Variants in ANKS1B observed in about 807,000 individuals in gnomAD.
ANKS1B encodes ankyrin repeat and sterile alpha motif domain containing 1B.
A neutral mutation model predicts 148.3 loss-of-function variants in ANKS1B; 36 were observed. That is an observed-to-expected ratio of 0.24 (90% CI 0.19 to 0.32). ANKS1B has a LOEUF of 0.32. Among genes scored for constraint, ANKS1B ranks in the 10% least tolerant of loss-of-function variants. ANKS1B has a pLI of 1.00. For synonymous variants in ANKS1B, 542 were observed against 560.8 expected (o/e 0.97, Z 0.47); for missense variants, 1,157 against 1,542.6 (o/e 0.75, Z 4.19).
At chr12:99,366,521 A>G (rs1341000185) in intron 12 of ANKS1B, among the ~76,000 whole-genome samples, 2 of 152,178 alleles carry the variant, frequency 1.3e-5, no homozygotes, top group African/African-American at 2.4e-5. Context: ...GATGAAACAA[A>G]TAGAAAGTCC....
chr12:98,933,798 G>C (rs962414758), intron 17 of ANKS1B, among the ~76,000 whole-genome samples: 2 of 151,728 alleles, frequency 1.3e-5, no homozygotes, highest in African/African-American at 4.8e-5. Flanking sequence ...GTCCTCTTTG[G>C]AGAAATGTCT....
At chr12:99,366,136 G>A (rs1033090641) in intron 12 of ANKS1B, among the ~76,000 whole-genome samples, 20 of 152,156 alleles carry the variant, frequency 1.3e-4, no homozygotes, top group African/African-American at 4.6e-4. Context: ...GGCTCTGGGT[G>A]GGCTTGAACA....
At chr12:99,005,097 G>A (rs1323015979) in intron 17 of ANKS1B, among the ~76,000 whole-genome samples, 4 of 152,298 alleles carry the variant, frequency 2.6e-5, no homozygotes, top group East Asian at 1.9e-4. Flanking sequence ...TGTAACAAAC[G>A]AGAAAATGAA....
In ANKS1B at chr12:99,697,518, G is replaced by A. The variant is rs184351182; in HGVS notation, c.1129-42308C>T. ...ACTTACTGTATAATTTCAACTATAT[G>A]ACATTCTGAAAAGGCAAAACTATGG... On this transcript the variant is annotated intron_variant, in intron 8 of 26. Coordinates refer to ENST00000683438, the MANE Select transcript of ANKS1B (RefSeq NM_001352186.2). 4.6e-3 allele frequency among the ~76,000 whole-genome samples: 700 copies of A among 152,214 alleles called. 13 individuals carry two copies. The highest frequency in any genetic ancestry group is 0.04 in the Admixed American group (603 of 15,262).
intron 10 of ANKS1B, among the ~76,000 whole-genome samples, chr12:99,487,800 T>TGCCC (rs1450629245): frequency 6.6e-6 from 1 of 152,172 alleles, no homozygotes; most frequent in Non-Finnish European, 1.5e-5. Flanking sequence ...ATATATTCTG[T>TGCCC]ATTGATGGGC....
At chr12:98,777,185 C>A (rs926666226) in intron 24 of ANKS1B, among the ~76,000 whole-genome samples, 6 of 151,980 alleles carry the variant, frequency 3.9e-5, no homozygotes, top group African/African-American at 1.2e-4. Flanking sequence ...AGAGTGAGAC[C>A]CTGTCTCTTA....
intron 17 of ANKS1B, among the ~76,000 whole-genome samples, chr12:98,917,054 G>A (rs146591256): frequency 0.013 from 1,962 of 149,848 alleles, 49 homozygotes; most frequent in African/African-American, 0.041. Context: ...TCCACCTCCC[G>A]GGCTCAAGTG....
At chr12:98,771,467 C>T (rs973152413) in intron 25 of ANKS1B, among the ~76,000 whole-genome samples, 1 of 151,884 alleles carries the variant, frequency 6.6e-6, no homozygotes, top group Non-Finnish European at 1.5e-5. Flanking sequence ...CTGTGCCTGG[C>T]CAAGAGTAAC....
chr12:99,084,092 G>C (rs1398508374), intron 16 of ANKS1B, among the ~76,000 whole-genome samples: 2 of 152,174 alleles, frequency 1.3e-5, no homozygotes, highest in Non-Finnish European at 2.9e-5. Context: ...ATCTGGACTA[G>C]GAGGGCCTAT....
chr12:98,890,637 C>T (rs79335495), intron 17 of ANKS1B, among the ~76,000 whole-genome samples: 1,926 of 152,260 alleles, frequency 0.013, 111 homozygotes, highest in Admixed American at 0.09. Flanking sequence ...GTTACAACTA[C>T]GTGCAAGTCA....
chr12:99,220,449 C>CTT lies in ANKS1B; in HGVS notation c.2419+23891_2419+23892dup, dbSNP rs5800380. 3.5e-3 allele frequency among the ~76,000 whole-genome samples: 396 copies of CTT among 112,696 alleles called. 11 individuals carry two copies. Among genetic ancestry groups the CTT allele is most frequent in the African/African-American group, 4.3e-3 (124 of 28,988 alleles). 73.9% of individuals were successfully genotyped at this position (112,696 alleles called of 152,430 possible). ...CAAGCATACAATAAAAGTAGCATTTCTTTTTTTTTTTTTTTTTTTTGAGAT... is the reference window on the plus strand; with the variant it reads ...CAAGCATACAATAAAAGTAGCATTTCTTTTTTTTTTTTTTTTTTTTTTGAGAT... On this transcript the variant is annotated intron_variant, in intron 14 of 26. Transcript: ENST00000683438.
At chr12:99,274,018 C>T (rs541775396) in intron 12 of ANKS1B, among the ~76,000 whole-genome samples, 95 of 152,250 alleles carry the variant, frequency 6.2e-4, no homozygotes, top group Non-Finnish European at 1.1e-3. Context: ...CCCTTAGATT[C>T]TCAGAACCCT....
intron 3 of ANKS1B, 128 bp from the exon 4 acceptor site, chr12:99,806,828 G>T: frequency 2.2e-6 from 2 of 927,616 alleles, no homozygotes; most frequent in Non-Finnish European, 3.1e-6. Context: ...TAACAAGTAT[G>T]CCTAATGGAA....
chr12:98,753,292 T>G (rs1464354482), intron 25 of ANKS1B, among the ~76,000 whole-genome samples: 1 of 152,210 alleles, frequency 6.6e-6, no homozygotes, highest in East Asian at 1.9e-4. Flanking sequence ...TCACATTGTC[T>G]GACCCAAAAG....
intron 9 of ANKS1B, among the ~76,000 whole-genome samples, chr12:99,551,346 T>C (rs2097215540): frequency 6.6e-6 from 1 of 152,072 alleles, no homozygotes; most frequent in South Asian, 2.1e-4. Context: ...TCCCCACACC[T>C]CCATCTAATT....
intron 1 of ANKS1B, among the ~76,000 whole-genome samples, chr12:99,929,089 AT>A (rs2094547453): frequency 6.6e-6 from 1 of 152,260 alleles, no homozygotes; most frequent in Admixed American, 6.5e-5. Context: ...GTCCAACAGC[AT>A]CATGAGAACA....
chr12:99,802,557 CAG>C (rs2067079592), intron 4 of ANKS1B, among the ~76,000 whole-genome samples: 1 of 152,022 alleles, frequency 6.6e-6, no homozygotes, highest in Non-Finnish European at 1.5e-5. Context: ...TAAAATTACT[CAG>C]AGAGTAATGA....
intron 8 of ANKS1B, among the ~76,000 whole-genome samples, chr12:99,746,439 A>G (rs758609499): frequency 3.3e-5 from 5 of 152,148 alleles, no homozygotes; most frequent in Non-Finnish European, 4.4e-5. Flanking sequence ...TGCAGTTTTC[A>G]TTGCTTGTGG....
chr12:99,382,679 C>CAG (rs2093686690), intron 12 of ANKS1B, among the ~76,000 whole-genome samples: 1 of 122,186 alleles, frequency 8.2e-6, no homozygotes, highest in Non-Finnish European at 1.6e-5. Flanking sequence ...GCCTGGGTTG[C>CAG]AGAGTGGGAC....
Sources: allele counts gnomAD v4.1 joint callset (sites outside exome capture counted in the v4.1 genomes callset), GRCh38; gene constraint gnomAD v4.1.1; transcripts MANE v1.5; gene names NCBI Gene and HGNC (gene_info 2026-07-23, HGNC 2026-07-21).